The following TRRAP variants were observed in gnomAD, a reference collection of about 807,000 sequenced individuals.
TRRAP encodes transformation/transcription domain-associated protein.
A neutral mutation model predicts 438.8 loss-of-function variants in TRRAP; 41 were observed. That is an observed-to-expected ratio of 0.09 (90% CI 0.07 to 0.12). The LOEUF is 0.12. TRRAP is among the 10% of genes least tolerant of loss of function. The pLI, the probability that TRRAP is intolerant of heterozygous loss-of-function variation, is 1.00. For synonymous variants in TRRAP, 1,994 were observed against 1,962.9 expected (o/e 1.02, Z -0.42); for missense variants, 3,122 against 5,055.1 (o/e 0.62, Z 11.60).
At position 98,956,161 on chromosome 7, in the gene TRRAP, C is replaced by T. The variant is rs1405673638; in HGVS notation, c.5953C>T (p.Arg1985Trp). 1.9e-6 allele frequency: 3 copies of T among 1,611,902 alleles called. No individual in the cohort carries two copies. The highest frequency in any genetic ancestry group is 2.2e-5 in the East Asian group (1 of 44,880). Reference sequence around the variant, plus strand: ...GCGTCCGCAGGTGTACTACCCGGTACGGCACCACTTGGTGCAGCACATGGT... The same window carrying T: ...GCGTCCGCAGGTGTACTACCCGGTATGGCACCACTTGGTGCAGCACATGGT... ...VQHFKVYYPV[R>W]HHLVQHMVSA... is the part of the protein sequence containing the mutation. The change falls in exon 42 of 73, where the codon CGG (arginine) becomes TGG (tryptophan). Residue 1985 changes from arginine (R) to tryptophan (W), a missense_variant. Arg to Trp is a moderately radical substitution (Grantham distance 101). Coordinates refer to ENST00000456197, the MANE Select transcript of TRRAP (RefSeq NM_001375524.1). The surrounding 1 kb of genome is among the most constrained non-coding windows in gnomAD (Gnocchi z 4.5).
At chr7:98,966,445 G>C (rs1466227172) in intron 49 of TRRAP, among the ~76,000 whole-genome samples, 1 of 152,072 alleles carries the variant, frequency 6.6e-6, no homozygotes, top group East Asian at 1.9e-4. Flanking sequence ...AGCACTTTGG[G>C]AGACCGAGGC....
In TRRAP at chr7:98,992,237, G is replaced by A. The variant is rs757081567; in HGVS notation, c.9847+10G>A. On this transcript the variant is annotated intron_variant, in intron 65 of 72. Coordinates refer to ENST00000456197, the MANE Select transcript of TRRAP (RefSeq NM_001375524.1). Reference sequence around the variant, plus strand: ...GAACGCTACAAGAGCGGTACGTCTCGGGTGGGGCCGGTAGGCCAGGCCGGG... The same window carrying A: ...GAACGCTACAAGAGCGGTACGTCTCAGGTGGGGCCGGTAGGCCAGGCCGGG... The A allele has an allele frequency of 1.9e-6, 3 of 1,613,528 alleles. No homozygotes were observed. Among genetic ancestry groups the A allele is most frequent in the Non-Finnish European group, 8.5e-7 (1 of 1,179,962 alleles).
At chr7:98,918,935 T>TA (rs1203622025) in intron 20 of TRRAP, among the ~76,000 whole-genome samples, 2 of 147,358 alleles carry the variant, frequency 1.4e-5, no homozygotes, top group East Asian at 4.0e-4. Context: ...AAGCCCCCTG[T>TA]AATCCCAGCT....
intron 12 of TRRAP, among the ~76,000 whole-genome samples, chr7:98,904,279 C>T (rs1473674771): frequency 2.6e-5 from 4 of 151,814 alleles, no homozygotes; most frequent in Non-Finnish European, 5.9e-5. Flanking sequence ...GTCAGGAGAT[C>T]CTGACCATCC....
intron 64 of TRRAP, among the ~76,000 whole-genome samples, chr7:98,991,210 G>A (rs751156943): frequency 6.6e-6 from 1 of 152,212 alleles, no homozygotes. Flanking sequence ...CCCAGGCATA[G>A]AGGAAGGACC....
chr7:98,963,076 T>A (rs2116672846), intron 47 of TRRAP, among the ~76,000 whole-genome samples: 1 of 152,350 alleles, frequency 6.6e-6, no homozygotes, highest in Admixed American at 6.5e-5. Context: ...CCTGTCAGGC[T>A]CTCTTCCCAA....
chr7:98,965,126 G>A (rs1792094206), intron 48 of TRRAP, among the ~76,000 whole-genome samples: 1 of 152,198 alleles, frequency 6.6e-6, no homozygotes, highest in Non-Finnish European at 1.5e-5. Flanking sequence ...TCTCTCTCAC[G>A]TGTGCATGCG....
chr7:99,002,434 TTTTG>T (rs1793972289), intron 67 of TRRAP, among the ~76,000 whole-genome samples: 1 of 152,198 alleles, frequency 6.6e-6, no homozygotes, highest in South Asian at 2.1e-4. Context: ...TTTCTGTATA[TTTTG>T]TTTGCATCCT....
intron 3 of TRRAP, among the ~76,000 whole-genome samples, chr7:98,886,512 AG>A (rs1214578492): frequency 6.6e-6 from 1 of 152,088 alleles, no homozygotes; most frequent in Non-Finnish European, 1.5e-5. Flanking sequence ...GGATATCTAG[AG>A]AGATATAGAT....
At chr7:98,962,232 A>C in intron 46 of TRRAP, 70 bp from the exon 47 acceptor site, 1 of 1,605,560 alleles carries the variant, frequency 6.2e-7, no homozygotes, top group Non-Finnish European at 8.5e-7. Flanking sequence ...GCCAGCACTC[A>C]GTCCCTGGCA....
rs34349273 is a variant in TRRAP, at chr7:98,946,279, TCACA to T, written c.4548+332_4548+335del. On this transcript the variant is annotated intron_variant, in intron 33 of 72. Transcript: ENST00000456197. ...AGCTAGCAACCTCCTGAGAGGAAAC[TCACA>T]CAGAGTATATTGTGCCTGCTAGAAG... 2.0e-5 allele frequency among the ~76,000 whole-genome samples: 3 copies of T among 151,954 alleles called. No homozygotes were observed. In the South Asian group the frequency reaches 6.2e-4, roughly 31 times the overall value.
Position 99,005,194 on chromosome 7 carries a change from G to A in TRRAP, c.10599G>A (p.Arg3533=). ...HNTAARRLYI[R]GHNGKIYPYL... ...CCGCAGCCCGGCGGCTGTACATCCG[G>A]GGACACAATGGCAAGATCTACCCAT... The change falls in exon 69 of 73, where the codon CGG becomes CGA. Residue 3533 remains arginine, a synonymous_variant. Coordinates refer to ENST00000456197, the MANE Select transcript of TRRAP (RefSeq NM_001375524.1). This position sits in a 1 kb window ranked among gnomAD's most constrained non-coding sequence, Gnocchi z 5.1. The A allele has an allele frequency of 6.2e-7, 1 of 1,613,892 alleles. No individual in the cohort carries two copies. The highest frequency in any genetic ancestry group is 1.1e-5 in the South Asian group (1 of 91,076).
chr7:98,903,928 G>C (rs1221983579), intron 12 of TRRAP, among the ~76,000 whole-genome samples: 1 of 152,096 alleles, frequency 6.6e-6, no homozygotes, highest in Non-Finnish European at 1.5e-5. Flanking sequence ...TCGTGCCTCA[G>C]CCTCCCAAGT....
At chr7:98,901,145 C>T (rs531612084) in intron 11 of TRRAP, among the ~76,000 whole-genome samples, 1 of 152,376 alleles carries the variant, frequency 6.6e-6, no homozygotes, top group East Asian at 1.9e-4. Flanking sequence ...AGGTTGCTTA[C>T]ACGGTAGCAA....
chr7:98,929,951 A>G (rs1554412423), intron 23 of TRRAP, 38 bp from the exon 24 acceptor site: 1 of 1,604,634 alleles, frequency 6.2e-7, no homozygotes. Context: ...TTTGAGGGAC[A>G]AGACTGTTCT....
intron 52 of TRRAP, among the ~76,000 whole-genome samples, chr7:98,971,375 G>A (rs945913808): frequency 5.3e-5 from 8 of 152,188 alleles, no homozygotes; most frequent in Non-Finnish European, 1.0e-4. Context: ...CTTTGGGAAT[G>A]GTCATATAAA....
Position 98,950,050 on chromosome 7 carries a change from T to C in TRRAP, c.5136-14T>C. The C allele has an allele frequency of 1.2e-6, 2 of 1,613,936 alleles. No homozygotes were observed. The highest frequency in any genetic ancestry group is 1.3e-5 in the African/African-American group (1 of 74,986). On this transcript the variant is annotated splice_polypyrimidine_tract_variant and intron_variant, in intron 37 of 72. Transcript: ENST00000456197. ...TGCTCTAAGTTAACCTGTCTTCTTC[T>C]TTTGACCCTCCAGAAGGAATTACGG...
Position 98,925,242 on chromosome 7 carries a change from A to G in TRRAP, c.2954A>G (p.Tyr985Cys), listed in dbSNP as rs781875758. 3.1e-6 allele frequency: 5 copies of G among 1,614,038 alleles called. No homozygotes were observed. The South Asian group carries it at 3.3e-5, about 11-fold the overall frequency. ...MSLEDNKHAL[Y>C]QLLAHPNFTE... is the part of the protein sequence containing the mutation. ...CTGGAGGACAACAAGCACGCACTCTACCAGCTCCTGGCACACCCCAAGTAT... is the reference window on the plus strand; with the variant it reads ...CTGGAGGACAACAAGCACGCACTCTGCCAGCTCCTGGCACACCCCAAGTAT... The change falls in exon 22 of 73, where the codon TAC (tyrosine) becomes TGC (cysteine). Residue 985 changes from tyrosine to cysteine, a missense_variant. Transcript: ENST00000456197.
intron 18 of TRRAP, among the ~76,000 whole-genome samples, chr7:98,915,110 C>T (rs1417753317): frequency 1.3e-5 from 2 of 151,568 alleles, no homozygotes; most frequent in African/African-American, 2.4e-5. Context: ...TCTTCCAAAA[C>T]GCTATAGTCT....
Sources: allele counts gnomAD v4.1 joint callset (sites outside exome capture counted in the v4.1 genomes callset), GRCh38; gene constraint gnomAD v4.1.1; non-coding constraint Gnocchi (gnomAD v3.1); transcripts MANE v1.5; gene names NCBI Gene and HGNC (gene_info 2026-07-23, HGNC 2026-07-21).